The following AS3MT variants were observed in gnomAD, a reference collection of about 807,000 sequenced individuals.
AS3MT encodes the protein S-adenosyl-L-methionine:arsenic(III) methyltransferase.
AS3MT carries 47 observed loss-of-function variants against 45.3 expected under a neutral mutation model. That is an observed-to-expected ratio of 1.04 (90% CI 0.82 to 1.32). The LOEUF (loss-of-function observed/expected upper bound fraction) is 1.32. Among genes scored for constraint, AS3MT ranks in the 40% most tolerant of loss-of-function variants. AS3MT has a pLI of 0.00. For missense variants in AS3MT, 396 were observed against 451.1 expected, an observed-to-expected ratio of 0.88 and a Z score of 1.11; for synonymous variants, 141 against 152.8, an observed-to-expected ratio of 0.92 and a Z score of 0.57.
At position 102,878,976 on chromosome 10, in the gene AS3MT, C is replaced by A; in HGVS notation, c.870C>A (p.Ala290=). ...TGHEKELMFD[A]NFTFKEGEIV... is the part of the protein sequence containing the mutation. ...ATGAAAAAGAACTAATGTTTGATGC[C>A]AATTTTACATTTAAGGTAAATAAAA... The change falls in exon 9 of 11, where the codon GCC becomes GCA. Residue 290 remains alanine (A), a synonymous_variant. Coordinates refer to ENST00000369880, the MANE Select transcript of AS3MT (RefSeq NM_020682.4). 6.2e-7 allele frequency: 1 copy of A among 1,611,096 alleles called. No individual in the cohort carries two copies. Among genetic ancestry groups the A allele is most frequent in the South Asian group, 1.1e-5 (1 of 90,364 alleles).
Position 102,872,579 on chromosome 10 carries a change from T to C in AS3MT, c.302T>C (p.Ile101Thr). 2 of 1,612,578 alleles carry C rather than the reference T, an allele frequency of 1.2e-6. No homozygotes were observed. The highest frequency in any genetic ancestry group is 1.7e-6 in the Non-Finnish European group (2 of 1,179,602). ...LVGEKGHVTG[I>T]DMTKGQVEVA... is the part of the protein sequence containing the mutation. The stretch of plus-strand genomic sequence containing the variant: ...GGTGAAAAAGGACACGTGACTGGAA[T>C]AGACATGACCAAAGGCCAGGTGAGG... The change falls in exon 4 of 11, where the codon ATA (isoleucine) becomes ACA (threonine). Residue 101 changes from isoleucine to threonine, a missense_variant. By Grantham distance (89) the Ile-to-Thr change is moderately conservative. Coordinates refer to ENST00000369880, the MANE Select transcript of AS3MT (RefSeq NM_020682.4).
intron 10 of AS3MT, among the ~76,000 whole-genome samples, chr10:102,900,123 A>G (rs745542797): frequency 6.6e-6 from 1 of 152,204 alleles, no homozygotes; most frequent in Non-Finnish European, 1.5e-5. Flanking sequence ...CTCTACTCTG[A>G]GATCTGTCTG....
chr10:102,879,447 G>A (rs1480985292), intron 9 of AS3MT, among the ~76,000 whole-genome samples: 9 of 151,798 alleles, frequency 5.9e-5, no homozygotes, highest in East Asian at 3.9e-4. Context: ...GTGAACCACC[G>A]TGCCCAGCCC....
chr10:102,901,108 A>AAAAAAAAAAAAG lies in AS3MT; in HGVS notation c.*411_*412insAAAAAAAAGAAA, dbSNP rs1845263993. ...TCTCAAAAGCAAAAAAAAAAAAAAA[A>AAAAAAAAAAAAG]AAAGAAAGAAAGAAAAAGAAAACAA... On this transcript the variant is annotated 3_prime_UTR_variant, in exon 11 of 11. Transcript: ENST00000369880. 2 of 148,338 alleles carry AAAAAAAAAAAAG rather than the reference A, an allele frequency of 1.3e-5. No individual in the cohort carries two copies. The highest frequency in any genetic ancestry group is 4.9e-5 in the African/African-American group (2 of 40,510). 9.2% of individuals were successfully genotyped at this position (148,338 alleles called of 1,614,324 possible).
At position 102,869,803 on chromosome 10, in the gene AS3MT, A is replaced by G. The variant is rs1226909580; in HGVS notation, c.2-2A>G. On this transcript the variant is annotated splice_acceptor_variant, in intron 1 of 10. Transcript: ENST00000369880. LOFTEE classifies it high-confidence loss of function. Reference sequence around the variant, plus strand: ...TTCAACTAACTTTCCCGCTCCCGACAGTGGCTGCACTTCGTGACGCTGAGA... The same window carrying G: ...TTCAACTAACTTTCCCGCTCCCGACGGTGGCTGCACTTCGTGACGCTGAGA... The G allele has an allele frequency of 5.0e-6, 8 of 1,613,974 alleles. No individual in the cohort carries two copies. Among genetic ancestry groups the G allele is most frequent in the Non-Finnish European group, 6.8e-6 (8 of 1,180,046 alleles).
chr10:102,891,207 T>C (rs752461763), intron 10 of AS3MT, among the ~76,000 whole-genome samples: 1 of 152,202 alleles, frequency 6.6e-6, no homozygotes, highest in Non-Finnish European at 1.5e-5. Flanking sequence ...TTCCTTTCCC[T>C]GGTACTGTCT....
chr10:102,878,003 G>T (rs753365258), intron 7 of AS3MT, among the ~76,000 whole-genome samples: 1 of 151,802 alleles, frequency 6.6e-6, no homozygotes, highest in Non-Finnish European at 1.5e-5. Context: ...TGCCCACCTC[G>T]GCCTCCCAAA....
intron 9 of AS3MT, among the ~76,000 whole-genome samples, chr10:102,879,484 G>C (rs1844839688): frequency 6.6e-6 from 1 of 151,716 alleles, no homozygotes; most frequent in Non-Finnish European, 1.5e-5. Flanking sequence ...AAATGTTTTT[G>C]GCCAGGTGCG....
At chr10:102,888,870 TATA>T (rs1470714619) in intron 9 of AS3MT, among the ~76,000 whole-genome samples, 5,861 of 87,760 alleles carry the variant, frequency 0.067, 434 homozygotes, top group East Asian at 0.13. Context: ...TATATATATA[TATA>T]TATATATATT....
intron 10 of AS3MT, among the ~76,000 whole-genome samples, chr10:102,893,926 G>C (rs143300890): frequency 1.9e-3 from 282 of 152,144 alleles, no homozygotes; most frequent in African/African-American, 6.0e-3. Context: ...GAACCACCAT[G>C]CCTGGTCTGG....
At chr10:102,896,297 T>C (rs1206757278) in intron 10 of AS3MT, among the ~76,000 whole-genome samples, 6 of 139,022 alleles carry the variant, frequency 4.3e-5, no homozygotes, top group Non-Finnish European at 9.1e-5. Flanking sequence ...CACAACACTG[T>C]ACCCCAGCCT....
At chr10:102,899,867 A>G (rs1208663417) in intron 10 of AS3MT, among the ~76,000 whole-genome samples, 1 of 152,032 alleles carries the variant, frequency 6.6e-6, no homozygotes, top group Non-Finnish European at 1.5e-5. Context: ...GGATTTTGCC[A>G]TATTGCCCAG....
intron 10 of AS3MT, among the ~76,000 whole-genome samples, chr10:102,900,147 A>G (rs1440455971): frequency 2.0e-5 from 3 of 152,198 alleles, no homozygotes; most frequent in African/African-American, 7.2e-5. Context: ...ATTGTTGGCA[A>G]TTTCATCTGA....
At chr10:102,898,752 G>T (rs566478711) in intron 10 of AS3MT, among the ~76,000 whole-genome samples, 1 of 152,340 alleles carries the variant, frequency 6.6e-6, no homozygotes, top group East Asian at 1.9e-4. Context: ...AAGGCACCCT[G>T]TCATTTAGTC....
intron 9 of AS3MT, among the ~76,000 whole-genome samples, chr10:102,885,909 C>T (rs200286959): frequency 2.0e-5 from 3 of 151,656 alleles, no homozygotes; most frequent in Non-Finnish European, 4.4e-5. Context: ...TCAGGTGATC[C>T]GCCTGCCTCG....
chr10:102,873,140 A>G lies in AS3MT; in HGVS notation c.365A>G (p.Tyr122Cys), dbSNP rs1260122867. ...EKYLDYHMEK[Y>C]GFQASNVTFI... ...TATCTTGACTATCACATGGAAAAAT[A>G]TGGCTTCCAGGCATCTAATGTGACT... Residue 122 changes from tyrosine to cysteine, a missense_variant, in exon 5 of 11, where the codon TAT becomes TGT. Transcript: ENST00000369880. The G allele has an allele frequency of 5.0e-6, 8 of 1,606,812 alleles. No individual in the cohort carries two copies. Among genetic ancestry groups the G allele is most frequent in the African/African-American group, 1.3e-5 (1 of 74,496 alleles).
At chr10:102,885,690 C>T (rs10883791) in intron 9 of AS3MT, among the ~76,000 whole-genome samples, 16,655 of 103,136 alleles carry the variant, frequency 0.16, 4,825 homozygotes, top group Middle Eastern at 0.37. Context: ...CCACTACGCC[C>T]GGCTAATTTT....
At chr10:102,896,289 C>T (rs944274631) in intron 10 of AS3MT, among the ~76,000 whole-genome samples, 2 of 136,768 alleles carry the variant, frequency 1.5e-5, no homozygotes, top group Non-Finnish European at 3.0e-5. Flanking sequence ...GCCGTGATCA[C>T]AACACTGTAC....
intron 9 of AS3MT, among the ~76,000 whole-genome samples, chr10:102,889,749 C>T (rs1286761074): frequency 1.3e-5 from 2 of 150,852 alleles, no homozygotes; most frequent in East Asian, 4.0e-4. Context: ...AATCTCAGCT[C>T]ACTACAACCT....
Sources: gnomAD v4.1 joint callset for allele counts (sites outside exome capture counted in the v4.1 genomes callset) on GRCh38, gnomAD v4.1.1 for gene constraint, MANE v1.5 for transcripts, NCBI Gene and HGNC (gene_info 2026-07-23, HGNC 2026-07-21) for gene names.